Variants in NELL2 observed in about 807,000 individuals in gnomAD.
NELL2 encodes the protein protein kinase C-binding protein NELL2.
NELL2 carries 41 observed loss-of-function variants against 109.6 expected under a neutral mutation model. The observed-to-expected ratio is 0.37, with a 90% CI of 0.29 to 0.49. NELL2 has a LOEUF of 0.49. Ranked by LOEUF, NELL2 falls within the 20% of genes least tolerant of loss-of-function variation. NELL2 has a pLI of 0.98. For missense variants in NELL2, 900 were observed against 1,008.3 expected (o/e 0.89, Z 1.45); for synonymous variants, 355 against 344.7 (o/e 1.03, Z -0.33).
chr12:44,783,744 C>T (rs1368748480), intron 3 of NELL2, among the ~76,000 whole-genome samples: 8 of 151,808 alleles, frequency 5.3e-5, no homozygotes, highest in South Asian at 2.1e-4. Flanking sequence ...AATTTTCTCA[C>T]GTAATAAAAG....
intron 9 of NELL2, among the ~76,000 whole-genome samples, chr12:44,722,235 G>A (rs1938815393): frequency 6.6e-6 from 1 of 152,034 alleles, no homozygotes; most frequent in African/African-American, 2.4e-5. Flanking sequence ...GAGTGCTGTG[G>A]CACGATGAAC....
intron 1 of NELL2, among the ~76,000 whole-genome samples, chr12:44,895,660 C>T (rs762717784): frequency 2.6e-5 from 4 of 152,054 alleles, no homozygotes; most frequent in Non-Finnish European, 5.9e-5. Flanking sequence ...TAATTTGTAT[C>T]CACAGCAATA....
upstream of NELL2, chr12:44,876,397 G>C: frequency 7.9e-7 from 1 of 1,269,264 alleles, no homozygotes; most frequent in Non-Finnish European, 1.0e-6. Flanking sequence ...GTAAGGAGGA[G>C]GGAGGGGCCG....
chr12:44,867,652 A>C (rs558994252), intron 2 of NELL2, among the ~76,000 whole-genome samples: 1 of 152,294 alleles, frequency 6.6e-6, no homozygotes, highest in South Asian at 2.1e-4. Flanking sequence ...AAAGAAATAA[A>C]AGGCATCAAA....
At chr12:44,819,599 C>A (rs1386693571) in intron 2 of NELL2, among the ~76,000 whole-genome samples, 1 of 152,112 alleles carries the variant, frequency 6.6e-6, no homozygotes, top group Non-Finnish European at 1.5e-5. Context: ...CATCCTCCAC[C>A]CCACCAGGGT....
At chr12:44,638,089 A>G (rs560253160) in intron 13 of NELL2, among the ~76,000 whole-genome samples, 1 of 152,202 alleles carries the variant, frequency 6.6e-6, no homozygotes, top group South Asian at 2.1e-4. Context: ...TTTCTTCCTC[A>G]ATGAATTTAC....
At chr12:44,825,801 T>C (rs1943693883) in intron 2 of NELL2, among the ~76,000 whole-genome samples, 1 of 151,458 alleles carries the variant, frequency 6.6e-6, no homozygotes, top group Non-Finnish European at 1.5e-5. Flanking sequence ...ATCCCAGCAC[T>C]TTGGGAGGCC....
intron 10 of NELL2, among the ~76,000 whole-genome samples, chr12:44,713,177 T>TAC (rs35017907): frequency 0.023 from 3,292 of 141,942 alleles, 115 homozygotes; most frequent in African/African-American, 0.071. Flanking sequence ...ATGAATAGGA[T>TAC]ACACACACAC....
chr12:44,711,372 TCAA>T lies in NELL2; in HGVS notation c.1106_1108del (p.Val369del). ...ATCCAAAGCTGGACAGCCTGAACTC[TCAA>T]CAAGTTTCATGGTCTGGTCCTGTTA... On this transcript the variant is annotated inframe_deletion, in exon 11 of 20. Coordinates refer to ENST00000429094, the MANE Select transcript of NELL2 (RefSeq NM_001145108.2). 5 of 1,612,374 alleles carry T rather than the reference TCAA, an allele frequency of 3.1e-6. No individual in the cohort carries two copies. The highest frequency in any genetic ancestry group is 3.4e-6 in the Non-Finnish European group (4 of 1,178,762).
chr12:44,530,462 G>A (rs1167056561), intron 16 of NELL2, among the ~76,000 whole-genome samples: 2 of 152,222 alleles, frequency 1.3e-5, no homozygotes, highest in African/African-American at 4.8e-5. Context: ...GGCCCTTGCA[G>A]TAGGTAGCTT....
chr12:44,535,261 C>A (rs1565887166), intron 15 of NELL2, among the ~76,000 whole-genome samples: 1 of 151,604 alleles, frequency 6.6e-6, no homozygotes, highest in Admixed American at 6.6e-5. Context: ...GGTTACCTTC[C>A]AATAAACCTA....
chr12:44,834,436 C>CTTTTTT (rs36048159), intron 2 of NELL2, among the ~76,000 whole-genome samples: 1 of 131,552 alleles, frequency 7.6e-6, no homozygotes, highest in Non-Finnish European at 1.6e-5. Context: ...CACACGCATT[C>CTTTTTT]TTTTTTTTTT....
intron 2 of NELL2, among the ~76,000 whole-genome samples, chr12:44,864,535 C>T (rs1479683084): frequency 6.6e-6 from 1 of 152,104 alleles, no homozygotes; most frequent in Non-Finnish European, 1.5e-5. Context: ...TATAAATGCA[C>T]TTTACATCAG....
chr12:44,764,097 A>G (rs1403773003), intron 9 of NELL2, among the ~76,000 whole-genome samples: 1 of 152,206 alleles, frequency 6.6e-6, no homozygotes, highest in Non-Finnish European at 1.5e-5. Context: ...ATACAAATGT[A>G]AAGAAAAGTT....
chr12:44,604,234 G>A (rs1384946604), intron 15 of NELL2, among the ~76,000 whole-genome samples: 1 of 151,932 alleles, frequency 6.6e-6, no homozygotes. Flanking sequence ...GAAAGAGAGA[G>A]AGAGGAAGAA....
intron 2 of NELL2, among the ~76,000 whole-genome samples, chr12:44,861,182 T>G (rs1944831330): frequency 6.6e-6 from 1 of 152,184 alleles, no homozygotes; most frequent in African/African-American, 2.4e-5. Flanking sequence ...CCATCTCACC[T>G]TTCCCCAGTG....
chr12:44,740,339 C>A (rs1172954502), intron 9 of NELL2, among the ~76,000 whole-genome samples: 1 of 152,082 alleles, frequency 6.6e-6, no homozygotes, highest in African/African-American at 2.4e-5. Flanking sequence ...AATTGTTATA[C>A]CAGCACACAG....
chr12:44,720,594 A>C (rs774180707), intron 9 of NELL2, among the ~76,000 whole-genome samples: 3 of 152,190 alleles, frequency 2.0e-5, no homozygotes, highest in Non-Finnish European at 2.9e-5. Flanking sequence ...TGCTCAAAGA[A>C]AGTCTGCTCG....
chr12:44,636,718 C>A (rs1946647767), intron 13 of NELL2, among the ~76,000 whole-genome samples: 1 of 152,150 alleles, frequency 6.6e-6, no homozygotes. Context: ...TATCAATGTT[C>A]ATCAGGGATA....
Sources: allele counts gnomAD v4.1 joint callset (sites outside exome capture counted in the v4.1 genomes callset), GRCh38; gene constraint gnomAD v4.1.1; transcripts MANE v1.5; gene names NCBI Gene and HGNC (gene_info 2026-07-23, HGNC 2026-07-21).